OTUD7B: variants seen among roughly 807,000 people sequenced by gnomAD.
The protein encoded by OTUD7B is OTU deubiquitinase 7B.
OTUD7B carries 34 observed loss-of-function variants against 82.2 expected under a neutral mutation model. The observed-to-expected ratio is 0.41, with a 90% confidence interval of 0.31 to 0.55. The LOEUF is 0.55. Ranked by LOEUF, OTUD7B falls within the 20% of genes least tolerant of loss-of-function variation. OTUD7B has a pLI of 0.20. For missense variants in OTUD7B, 944 were observed against 1,062.1 expected, an observed-to-expected ratio of 0.89 and a Z score of 1.55; for synonymous variants, 398 against 402.7, an observed-to-expected ratio of 0.99 and a Z score of 0.14.
At chr1:150,013,841 G>A (rs1571756776), upstream of OTUD7B, among the ~76,000 whole-genome samples, 1 of 147,124 alleles carries the variant, frequency 6.8e-6, no homozygotes, top group East Asian at 2.0e-4. Flanking sequence ...AGAATGACGT[G>A]AACTCGGGAG....
chr1:150,026,761 T>C, the OTUD7B span, among the ~76,000 whole-genome samples: 1 of 151,932 alleles, frequency 6.6e-6, no homozygotes, highest in Admixed American at 6.6e-5. Context: ...GAGAGAGAAA[T>C]GAGAAATTTC....
Position 149,943,980 on chromosome 1 carries a change from T to C in OTUD7B, c.2409A>G (p.Lys803=), listed in dbSNP as rs782451049. The C allele has an allele frequency of 2.8e-5, 45 of 1,614,090 alleles. No homozygotes were observed. Among genetic ancestry groups the C allele is most frequent in the Non-Finnish European group, 4.2e-6 (5 of 1,180,042 alleles). Residue 803 remains lysine (K), a synonymous_variant, in exon 12 of 12, where the codon AAA becomes AAG. Coordinates refer to ENST00000581312, the MANE Select transcript of OTUD7B (RefSeq NM_020205.4). The stretch of plus-strand genomic sequence containing the variant: ...GTCCATAGAAGCTGCAGTTCGGTTG[T>C]TTGCATTTGGTCTGAGTTGGGGGAA... ...RGLPPTQTKC[K]QPNCSFYGHP...
the OTUD7B span, among the ~76,000 whole-genome samples, chr1:150,037,611 A>T: frequency 2.0e-5 from 3 of 151,980 alleles, no homozygotes; most frequent in African/African-American, 7.3e-5. Context: ...TATTTTCTAG[A>T]TTGAGTCTTA....
intron 1 of OTUD7B, among the ~76,000 whole-genome samples, chr1:149,983,995 C>T (rs191640578): frequency 2.0e-5 from 3 of 152,270 alleles, no homozygotes; most frequent in Admixed American, 6.5e-5. Context: ...GTTTCCTTAT[C>T]CATTTCATCT....
the OTUD7B span, among the ~76,000 whole-genome samples, chr1:150,051,038 G>A: frequency 6.6e-6 from 1 of 151,794 alleles, no homozygotes; most frequent in African/African-American, 2.4e-5. Flanking sequence ...AGACCAGTCT[G>A]GCTAACATGG....
chr1:150,040,951 C>T, the OTUD7B span, among the ~76,000 whole-genome samples: 1 of 152,222 alleles, frequency 6.6e-6, no homozygotes, highest in East Asian at 1.9e-4. Context: ...TTCAAGAGAT[C>T]TGCCCTCCTC....
chr1:149,962,545 TTC>T (rs1649228355), intron 6 of OTUD7B: 1 of 152,230 alleles, frequency 6.6e-6, no homozygotes. Flanking sequence ...GTTGGGGACT[TTC>T]AGATGGAAAG....
In OTUD7B at chr1:149,959,720, C is replaced by T. The variant is rs1299787891; in HGVS notation, c.809G>A (p.Arg270Gln). 5.6e-6 allele frequency: 9 copies of T among 1,613,720 alleles called. No homozygotes were observed. The highest frequency in any genetic ancestry group is 3.3e-5 in the South Asian group (3 of 91,084). ...ELIKLASSEP[R>Q]MHLGTNGANC... ...GGCTCCATTGGTACCTAGATGCATTCGGGGTTCACTTGAGGCAAGCTTGAT... is the reference window on the plus strand; with the variant it reads ...GGCTCCATTGGTACCTAGATGCATTTGGGGTTCACTTGAGGCAAGCTTGAT... The change falls in exon 7 of 12, where the codon CGA becomes CAA. Residue 270 changes from arginine to glutamine, a missense_variant. This residue lies in a region of OTUD7B where 530 missense variants were observed against 625.6 expected (regional missense o/e 0.85). Transcript: ENST00000581312.
At chr1:150,054,999 G>A in the OTUD7B span, 2,109 of 274,136 alleles carry the variant, frequency 7.7e-3, 39 homozygotes, top group African/African-American at 0.042. Context: ...TGTTTGCCCC[G>A]ACAAATGGAA....
At position 149,945,716 on chromosome 1, in the gene OTUD7B, C is replaced by T. The variant is rs587611856; in HGVS notation, c.1324-651G>A. Among the ~76,000 whole-genome samples, 22 of 152,210 alleles carry T rather than the reference C, an allele frequency of 1.4e-4. No individual in the cohort carries two copies. The East Asian group carries it at 1.7e-3, about 12-fold the overall frequency. On this transcript the variant is annotated intron_variant, in intron 11 of 11. Transcript: ENST00000581312. ...AGGTCTATCTACAGAAGACTTTGGA[C>T]GAAATAATGATCATCTCAAGTTCAA...
At chr1:150,046,284 ACT>A in the OTUD7B span, among the ~76,000 whole-genome samples, 2 of 151,676 alleles carry the variant, frequency 1.3e-5, no homozygotes, top group Non-Finnish European at 2.9e-5. Flanking sequence ...GAGTCCAGCT[ACT>A]CTCTCAACAT....
chr1:150,039,516 ACAGGTGCCCACCAC>A, the OTUD7B span, among the ~76,000 whole-genome samples: 1 of 152,036 alleles, frequency 6.6e-6, no homozygotes, highest in Admixed American at 6.5e-5. Flanking sequence ...AGCTGGGACT[ACAGGTGCCCACCAC>A]CATGCCCAGT....
At chr1:149,965,691 G>A in intron 5 of OTUD7B, 86 bp downstream of exon 5, 1 of 929,066 alleles carries the variant, frequency 1.1e-6, no homozygotes, top group Non-Finnish European at 1.7e-6. Flanking sequence ...CTAAGATCAA[G>A]GTTATCTGGA....
chr1:149,994,867 T>C (rs150315990), intron 1 of OTUD7B, among the ~76,000 whole-genome samples: 2,044 of 152,254 alleles, frequency 0.013, 56 homozygotes, highest in African/African-American at 0.046. Flanking sequence ...ACTCTAGCAA[T>C]GCAAACATCA....
intron 3 of OTUD7B, among the ~76,000 whole-genome samples, chr1:149,968,898 G>A (rs1166720005): frequency 3.3e-5 from 5 of 151,922 alleles, no homozygotes; most frequent in African/African-American, 1.2e-4. Context: ...TATTTTAGCA[G>A]AGACGGGGTT....
chr1:149,957,135 G>GCCCA (rs1553774735), intron 7 of OTUD7B, among the ~76,000 whole-genome samples: 77 of 151,850 alleles, frequency 5.1e-4, no homozygotes, highest in African/African-American at 1.7e-3. Context: ...AGAATTTTCA[G>GCCCA]CTTTTCTGCT....
chr1:149,985,215 C>G (rs1413614402), intron 1 of OTUD7B, among the ~76,000 whole-genome samples: 1 of 152,170 alleles, frequency 6.6e-6, no homozygotes, highest in Non-Finnish European at 1.5e-5. Flanking sequence ...CAAGACCAGC[C>G]TAGCCAACAT....
the OTUD7B span, among the ~76,000 whole-genome samples, chr1:150,031,032 C>T: frequency 6.6e-6 from 1 of 152,160 alleles, no homozygotes; most frequent in East Asian, 1.9e-4. Context: ...GCCTTGGCCT[C>T]TCAAAGTATT....
chr1:149,950,061 C>T (rs1553772986), intron 8 of OTUD7B, 33 bp downstream of exon 8: 1 of 1,612,194 alleles, frequency 6.2e-7, no homozygotes, highest in Admixed American at 1.7e-5. Flanking sequence ...AGGGGGTGCT[C>T]AGCATGGAGT....
Sources: gnomAD v4.1 joint callset for allele counts (sites outside exome capture counted in the v4.1 genomes callset) on GRCh38, gnomAD v4.1.1 for gene constraint, gnomAD v4.1.1 regional missense constraint, MANE v1.5 for transcripts, NCBI Gene and HGNC (gene_info 2026-07-23, HGNC 2026-07-21) for gene names.